Variants in SLCO3A1 observed in about 807,000 individuals in gnomAD.
The protein encoded by SLCO3A1 is PGE1 transporter.
A neutral mutation model predicts 63.1 loss-of-function variants in SLCO3A1; 27 were observed. The ratio of observed to expected loss-of-function variants is 0.43; its 90% CI spans 0.32 to 0.59. The LOEUF is 0.59. Ranked by LOEUF, SLCO3A1 falls within the 20% of genes least tolerant of loss-of-function variation. The pLI, the probability that SLCO3A1 is intolerant of heterozygous loss-of-function variation, is 0.09. For synonymous variants in SLCO3A1, 473 were observed against 409.9 expected (o/e 1.15, Z -1.86); for missense variants, 773 against 945.8 (o/e 0.82, Z 2.40).
intron 2 of SLCO3A1, among the ~76,000 whole-genome samples, chr15:92,006,315 T>A (rs1312300337): frequency 6.6e-6 from 1 of 152,192 alleles, no homozygotes; most frequent in African/African-American, 2.4e-5. Context: ...GTGACATTAG[T>A]TAAAGATCCA....
At chr15:92,070,316 C>A (rs542966348) in intron 2 of SLCO3A1, among the ~76,000 whole-genome samples, 1 of 152,318 alleles carries the variant, frequency 6.6e-6, no homozygotes, top group South Asian at 2.1e-4. Flanking sequence ...AGCATTGTAG[C>A]TTTGTTTTCA....
intron 2 of SLCO3A1, among the ~76,000 whole-genome samples, chr15:92,086,960 G>T (rs1316335203): frequency 1.4e-5 from 2 of 147,706 alleles, no homozygotes; most frequent in Admixed American, 6.9e-5. Flanking sequence ...TCTAACCGGG[G>T]TGAAAAAGCA....
intron 2 of SLCO3A1, among the ~76,000 whole-genome samples, chr15:92,078,336 T>G (rs762135004): frequency 3.3e-5 from 5 of 152,212 alleles, no homozygotes; most frequent in Non-Finnish European, 7.3e-5. Context: ...TTTCCGAGCC[T>G]CAGGGACCTC....
At chr15:91,988,428 C>G (rs1245561437) in intron 2 of SLCO3A1, among the ~76,000 whole-genome samples, 1 of 151,934 alleles carries the variant, frequency 6.6e-6, no homozygotes, top group African/African-American at 2.4e-5. Context: ...AAAAATAAAA[C>G]TAATTTTATT....
intron 2 of SLCO3A1, among the ~76,000 whole-genome samples, chr15:91,989,712 A>G (rs932808232): frequency 3.9e-5 from 6 of 152,242 alleles, no homozygotes; most frequent in Admixed American, 3.3e-4. Context: ...CCAAAGTATT[A>G]TTTAGCTACT....
At chr15:92,112,439 A>T (rs1360395858) in intron 4 of SLCO3A1, among the ~76,000 whole-genome samples, 1 of 152,242 alleles carries the variant, frequency 6.6e-6, no homozygotes, top group Non-Finnish European at 1.5e-5. Context: ...TTGAGTCAGC[A>T]TCAGCTGTGG....
At chr15:92,095,124 T>A in intron 3 of SLCO3A1, 145 bp downstream of exon 3, 1 of 602,994 alleles carries the variant, frequency 1.7e-6, no homozygotes, top group Non-Finnish European at 3.0e-6. Flanking sequence ...CACCCGAGAT[T>A]AGATGAAAGA....
intron 4 of SLCO3A1, among the ~76,000 whole-genome samples, chr15:92,114,237 A>G (rs971692833): frequency 6.6e-6 from 1 of 152,208 alleles, no homozygotes; most frequent in Non-Finnish European, 1.5e-5. Flanking sequence ...TGGTTGGTTC[A>G]TAAGTTTTTT....
intron 2 of SLCO3A1, among the ~76,000 whole-genome samples, chr15:91,985,326 C>G (rs2046038345): frequency 6.6e-6 from 1 of 152,196 alleles, no homozygotes; most frequent in Non-Finnish European, 1.5e-5. Context: ...TTAAGTGCAG[C>G]ACTCCATTCT....
chr15:92,135,501 C>T (rs2048046189), intron 7 of SLCO3A1, among the ~76,000 whole-genome samples: 1 of 152,192 alleles, frequency 6.6e-6, no homozygotes, highest in African/African-American at 2.4e-5. Flanking sequence ...TCAGTGTCCC[C>T]TTTGCCTTGA....
chr15:92,118,093 G>A (rs902753552), intron 4 of SLCO3A1, among the ~76,000 whole-genome samples: 4 of 152,204 alleles, frequency 2.6e-5, no homozygotes, highest in Non-Finnish European at 5.9e-5. Context: ...ATAAAGACCA[G>A]TACACTTAAA....
rs1418856374 is a variant in SLCO3A1 at position 92,163,366 on chromosome 15, C to T, written c.*231C>T. The T allele has an allele frequency of 3.5e-6, 4 of 1,153,550 alleles. No homozygotes were observed. The highest frequency in any genetic ancestry group is 1.6e-5 in the African/African-American group (1 of 62,494). 71.5% of individuals were successfully genotyped at this position (1,153,550 alleles called of 1,614,324 possible). On this transcript the variant is annotated 3_prime_UTR_variant, in exon 10 of 10. Coordinates refer to ENST00000318445, the MANE Select transcript of SLCO3A1 (RefSeq NM_013272.4). ...GCGGCAGGGTCCTGGAGGCCACTTG[C>T]GCGGCTGGGCCACAGAGTCTACTTT...
intron 5 of SLCO3A1, among the ~76,000 whole-genome samples, chr15:92,123,470 G>C (rs2151563735): frequency 6.6e-6 from 1 of 152,148 alleles, no homozygotes; most frequent in South Asian, 2.1e-4. Context: ...GATATGGCCA[G>C]ATTACCACCC....
At chr15:91,976,236 C>T (rs540854548) in intron 2 of SLCO3A1, among the ~76,000 whole-genome samples, 3 of 152,178 alleles carry the variant, frequency 2.0e-5, no homozygotes, top group East Asian at 3.9e-4. Flanking sequence ...CAGAGAATTT[C>T]AAAGAGTTAG....
At chr15:91,943,880 T>G (rs1048862288) in intron 2 of SLCO3A1, among the ~76,000 whole-genome samples, 1 of 152,176 alleles carries the variant, frequency 6.6e-6, no homozygotes. Flanking sequence ...TCTTTGTGCC[T>G]CTTCAGGGCT....
At chr15:91,956,666 C>T (rs1474184132) in intron 2 of SLCO3A1, among the ~76,000 whole-genome samples, 1 of 151,814 alleles carries the variant, frequency 6.6e-6, no homozygotes, top group African/African-American at 2.4e-5. Context: ...AGCCTAAAAC[C>T]CCCGACACCA....
rs112525299 is a variant in SLCO3A1 at position 91,931,788 on chromosome 15, A to AACACACACACACACACACACACACAC, written c.646+15342_646+15343insACACACACACACACACACACACACAC. ...GCCCGGCTGGTGTCTTAAGTGTGGA[A>AACACACACACACACACACACACACAC]ACACACACACACGCACACACACACA... On this transcript the variant is annotated intron_variant, in intron 2 of 9. Transcript: ENST00000318445. Among the ~76,000 whole-genome samples the AACACACACACACACACACACACACAC allele has an allele frequency of 3.5e-5, 5 of 144,216 alleles. No homozygotes were observed. In the East Asian group the frequency reaches 6.2e-4, roughly 18 times the overall value. The allele number at this position is 144,216 out of a possible 152,430, so 94.6% of individuals were successfully genotyped here.
At chr15:92,121,252 T>C (rs1367610926) in intron 5 of SLCO3A1, among the ~76,000 whole-genome samples, 1 of 152,246 alleles carries the variant, frequency 6.6e-6, no homozygotes, top group Non-Finnish European at 1.5e-5. Flanking sequence ...CAGCATGTCT[T>C]AGTTTGCTTT....
rs1267438738 is a variant in SLCO3A1 at position 91,872,345 on chromosome 15, A to T, written c.180+18257A>T. Among the ~76,000 whole-genome samples the T allele has an allele frequency of 6.6e-6, 1 of 152,152 alleles. No homozygotes were observed. Among genetic ancestry groups the T allele is most frequent in the Non-Finnish European group, 1.5e-5 (1 of 68,034 alleles). Reference sequence around the variant, plus strand: ...CAGGAGTTCGAGACCAGCCTGGCCAACGTGGTGAAACCCCTTCTCTACTAA... The same window carrying T: ...CAGGAGTTCGAGACCAGCCTGGCCATCGTGGTGAAACCCCTTCTCTACTAA... On this transcript the variant is annotated intron_variant, in intron 1 of 9. Coordinates refer to ENST00000318445, the MANE Select transcript of SLCO3A1 (RefSeq NM_013272.4). The surrounding 1 kb of genome is among the most constrained non-coding windows in gnomAD (Gnocchi z 4.1).
Sources: allele counts gnomAD v4.1 joint callset (sites outside exome capture counted in the v4.1 genomes callset), GRCh38; gene constraint gnomAD v4.1.1; non-coding constraint Gnocchi (gnomAD v3.1); transcripts MANE v1.5; gene names NCBI Gene and HGNC (gene_info 2026-07-23, HGNC 2026-07-21).